SPDYE5: variants seen among roughly 807,000 people sequenced by gnomAD.
The protein encoded by SPDYE5 is speedy protein E5.
A neutral mutation model predicts 48.5 loss-of-function variants in SPDYE5; 15 were observed. The observed-to-expected ratio is 0.31, with a 90% CI of 0.21 to 0.48. The LOEUF (loss-of-function observed/expected upper bound fraction) is 0.48, where lower values mean the gene tolerates loss of function less well. SPDYE5 is among the 20% of genes least tolerant of loss of function. SPDYE5 has a pLI of 0.99. For missense variants in SPDYE5, 331 were observed against 549.1 expected (o/e 0.60, Z 3.97); for synonymous variants, 116 against 200.7 (o/e 0.58, Z 3.57).
intron 1 of SPDYE5, among the ~76,000 whole-genome samples, chr7:75,493,248 G>T (rs1477884045): frequency 6.6e-6 from 1 of 151,420 alleles, no homozygotes; most frequent in Admixed American, 6.6e-5. Flanking sequence ...GGAGGGGCTG[G>T]CTTAGGTAAT....
Position 75,495,378 on chromosome 7 carries a change from G to A in SPDYE5, c.379+4G>A. The A allele has an allele frequency of 6.3e-7, 1 of 1,597,482 alleles. No individual in the cohort carries two copies. Among genetic ancestry groups the A allele is most frequent in the Non-Finnish European group, 8.5e-7 (1 of 1,179,852 alleles). On this transcript the variant is annotated splice_donor_region_variant and intron_variant, in intron 3 of 8. Transcript: ENST00000625065. The stretch of plus-strand genomic sequence containing the variant: ...AAGGGCTTCAACAGTCAGCTTGGTA[G>A]GAGGACACCCCAGAGAGCACCTCCA...
rs587688119 is a variant in SPDYE5 at position 75,502,442 on chromosome 7, C to T, written c.*46-391C>T. On this transcript the variant is annotated intron_variant, in intron 8 of 8. Transcript: ENST00000625065. ...GGATTAAGGATTAGGCTTCTGGACT[C>T]GTGGTTCGTGATGTTGTCACATTAG... Among the ~76,000 whole-genome samples the T allele has an allele frequency of 3.9e-5, 6 of 152,162 alleles. No individual in the cohort carries two copies. The East Asian group carries it at 7.7e-4, about 20-fold the overall frequency.
At position 75,503,758 on chromosome 7, in the gene SPDYE5, G is replaced by C. The variant is rs587659365; in HGVS notation, c.*971G>C. 836 of 148,990 alleles carry C rather than the reference G, an allele frequency of 5.6e-3. 8 individuals are homozygous for C. The highest frequency in any genetic ancestry group is 0.019 in the African/African-American group (779 of 41,000). The allele number at this position is 148,990 out of a possible 1,614,324, so 9.2% of individuals were successfully genotyped here. A position where few individuals can be genotyped will look rare whatever the true frequency, so the allele number is the denominator to read the frequency against. ...GTTTATTTTGAAAAACATGGGTATA[G>C]AATTATTTAAATATTATTTTATTTA... On this transcript the variant is annotated 3_prime_UTR_variant, in exon 9 of 9. Coordinates refer to ENST00000625065, the MANE Select transcript of SPDYE5 (RefSeq NM_001306141.4).
chr7:75,492,806 A>AT (rs1268282488), intron 1 of SPDYE5, among the ~76,000 whole-genome samples: 2 of 147,886 alleles, frequency 1.4e-5, no homozygotes, highest in Middle Eastern at 3.2e-3. Context: ...ATCAAAAAAA[A>AT]TTTTTTTGAC....
At chr7:75,494,499 A>C (rs1482049639) in intron 2 of SPDYE5, among the ~76,000 whole-genome samples, 3 of 144,672 alleles carry the variant, frequency 2.1e-5, no homozygotes, top group East Asian at 4.1e-4. Context: ...GTGAGCTGAG[A>C]TCACGCTACT....
intron 1 of SPDYE5, among the ~76,000 whole-genome samples, chr7:75,492,664 C>T (rs1390473194): frequency 1.3e-5 from 2 of 152,154 alleles, no homozygotes; most frequent in African/African-American, 4.8e-5. Context: ...GTCTCAAACT[C>T]CTGACGTCAA....
Position 75,493,924 on chromosome 7 carries a change from G to T in SPDYE5, c.-124G>T, listed in dbSNP as rs587745357. On this transcript the variant is annotated 5_prime_UTR_variant, in exon 2 of 9. Coordinates refer to ENST00000625065, the MANE Select transcript of SPDYE5 (RefSeq NM_001306141.4). ...ATCCTGATTGGAGGGACCGGACTCC[G>T]TGGTGCCTGGAGATCAGTTGGACAA... The T allele has an allele frequency of 6.7e-7, 1 of 1,487,870 alleles. No homozygotes were observed. Among genetic ancestry groups the T allele is most frequent in the South Asian group, 1.3e-5 (1 of 76,778 alleles). The allele number at this position is 1,487,870 out of a possible 1,614,324, so 92.2% of individuals were successfully genotyped here.
At chr7:75,498,295 T>G (rs1175360227) in intron 5 of SPDYE5, among the ~76,000 whole-genome samples, 1 of 151,888 alleles carries the variant, frequency 6.6e-6, no homozygotes, top group Non-Finnish European at 1.5e-5. Flanking sequence ...GGCTAATTTT[T>G]GTGTTTTTAG....
chr7:75,492,594 T>C (rs1792776049), intron 1 of SPDYE5, among the ~76,000 whole-genome samples, 153 bp downstream of exon 1: 1 of 151,878 alleles, frequency 6.6e-6, no homozygotes, highest in African/African-American at 2.4e-5. Context: ...TCCACCACCA[T>C]GCCTGGCTAA....
chr7:75,495,755 G>A (rs1303076108), intron 3 of SPDYE5, among the ~76,000 whole-genome samples: 1 of 151,990 alleles, frequency 6.6e-6, no homozygotes, highest in African/African-American at 2.4e-5. Context: ...AAAGAAAAAC[G>A]AAGGCCGGGT....
intron 4 of SPDYE5, 115 bp downstream of exon 4, chr7:75,497,019 G>A (rs1464109974): frequency 9.4e-6 from 7 of 747,706 alleles, no homozygotes; most frequent in Non-Finnish European, 1.5e-5. Flanking sequence ...AGCTCTCCAT[G>A]TGGGAGGAAT....
chr7:75,492,842 C>T (rs1344414293), intron 1 of SPDYE5, among the ~76,000 whole-genome samples: 4 of 152,118 alleles, frequency 2.6e-5, no homozygotes, highest in East Asian at 1.9e-4. Context: ...GTTGCCCAGA[C>T]GGGAGTGCAG....
intron 3 of SPDYE5, among the ~76,000 whole-genome samples, chr7:75,496,408 A>C (rs1213327051): frequency 0.018 from 2,025 of 111,398 alleles, no homozygotes; most frequent in Middle Eastern, 0.027. Context: ...CAACAACAAA[A>C]AAAAAAAAAA....
intron 2 of SPDYE5, among the ~76,000 whole-genome samples, chr7:75,494,631 A>G (rs587658737): frequency 6.6e-6 from 1 of 152,052 alleles, no homozygotes; most frequent in Non-Finnish European, 1.5e-5. Flanking sequence ...TTACACCTGT[A>G]ACCCCAGAAC....
At chr7:75,494,313 A>AGGC (rs1383746129) in intron 2 of SPDYE5, 106 bp downstream of exon 2, 1 of 1,456,912 alleles carries the variant, frequency 6.9e-7, no homozygotes, top group Non-Finnish European at 9.1e-7. Flanking sequence ...TGGGAGGCCG[A>AGGC]GGCGGGCGGA....
intron 2 of SPDYE5, 146 bp downstream of exon 2, chr7:75,494,353 C>T: frequency 7.7e-7 from 1 of 1,301,614 alleles, no homozygotes; most frequent in Non-Finnish European, 1.0e-6. Context: ...CAAGGCCAGC[C>T]TGGCCAATAT....
At chr7:75,502,168 C>T (rs1375986071) in intron 8 of SPDYE5, among the ~76,000 whole-genome samples, 186 bp downstream of exon 8, 12 of 151,454 alleles carry the variant, frequency 7.9e-5, no homozygotes, top group Non-Finnish European at 1.2e-4. Flanking sequence ...GAGGCTGAGG[C>T]GGGAGGATCG....
At chr7:75,502,021 G>C (rs1793178689) in intron 8 of SPDYE5, 39 bp downstream of exon 8, 8 of 1,519,902 alleles carry the variant, frequency 5.3e-6, no homozygotes, top group Non-Finnish European at 7.1e-6. Flanking sequence ...AGAATATTGG[G>C]GTCTATTTCG....
rs1432467559 is a variant in SPDYE5, at chr7:75,501,710, T to C, written c.1104T>C (p.Cys368=). Residue 368 remains cysteine, a synonymous_variant, in exon 7 of 9, where the codon TGT becomes TGC. Coordinates refer to ENST00000625065, the MANE Select transcript of SPDYE5 (RefSeq NM_001306141.4). ...LFQKRRFQFF[C]SMSGRAWVSP... ...AGAAACGTCGGTTCCAGTTCTTCTG[T>C]TCCATGAGCGGCAGGGCTTGGGTTT... 2 of 1,613,236 alleles carry C rather than the reference T, an allele frequency of 1.2e-6. No individual in the cohort carries two copies. Among genetic ancestry groups the C allele is most frequent in the African/African-American group, 1.3e-5 (1 of 74,882 alleles).
Sources: allele counts gnomAD v4.1 joint callset (sites outside exome capture counted in the v4.1 genomes callset), GRCh38; gene constraint gnomAD v4.1.1; transcripts MANE v1.5; gene names NCBI Gene and HGNC (gene_info 2026-07-23, HGNC 2026-07-21).